The following PTPRE variants were observed in gnomAD, a reference collection of about 807,000 sequenced individuals.
The protein encoded by PTPRE is receptor-type tyrosine-protein phosphatase epsilon.
PTPRE carries 51 observed loss-of-function variants against 102.0 expected under a neutral mutation model. The ratio of observed to expected loss-of-function variants is 0.50; its 90% CI spans 0.40 to 0.63. PTPRE has a LOEUF of 0.63. PTPRE is among the 30% of genes least tolerant of loss of function. The probability of loss-of-function intolerance (pLI) is 0.00; values close to 1 mark genes in which losing one functional copy is unlikely to be tolerated. For synonymous variants in PTPRE, 345 were observed against 348.2 expected (o/e 0.99, Z 0.10); for missense variants, 752 against 915.1 (o/e 0.82, Z 2.30).
At chr10:128,052,181 C>G (rs912342641) in intron 6 of PTPRE, among the ~76,000 whole-genome samples, 4 of 152,238 alleles carry the variant, frequency 2.6e-5, no homozygotes, top group East Asian at 1.9e-4. Context: ...ATGGCCAGCT[C>G]TCTCTTGGGT....
chr10:128,041,086 A>G, intron 3 of PTPRE, 96 bp downstream of exon 3: 2 of 1,033,794 alleles, frequency 1.9e-6, no homozygotes, highest in Non-Finnish European at 2.9e-6. Flanking sequence ...GTAAGAGAAG[A>G]ATGGTGTGGC....
intron 2 of PTPRE, among the ~76,000 whole-genome samples, chr10:128,025,327 A>G (rs1031850434): frequency 2.0e-5 from 3 of 152,142 alleles, no homozygotes; most frequent in African/African-American, 4.8e-5. Context: ...CTCCCCAGTG[A>G]GGACCCACGG....
intron 2 of PTPRE, among the ~76,000 whole-genome samples, chr10:127,994,794 G>A (rs4369314): frequency 0.22 from 33,828 of 152,066 alleles, 3,798 homozygotes; most frequent in Non-Finnish European, 0.23. Flanking sequence ...GAACGTAAGG[G>A]AGAGCCTCAT....
chr10:127,911,313 A>AT (rs1225301990), intron 1 of PTPRE, among the ~76,000 whole-genome samples: 1 of 152,218 alleles, frequency 6.6e-6, no homozygotes, highest in African/African-American at 2.4e-5. Flanking sequence ...TCATTCTTCA[A>AT]TATGCACCAT....
intron 3 of PTPRE, among the ~76,000 whole-genome samples, chr10:128,042,179 G>A (rs147426082): frequency 6.6e-6 from 1 of 152,124 alleles, no homozygotes; most frequent in Non-Finnish European, 1.5e-5. Flanking sequence ...TCTTCCCAAC[G>A]CTAATCGACT....
chr10:127,944,503 G>GATGGATGGATAAGTGA lies in PTPRE; in HGVS notation c.-31+37204_-31+37205insAAGTGAATGGATGGAT. ...GGATGGATGGATGGATGGATGGATG[G>GATGGATGGATAAGTGA]ATGGATGGATGGGTGGATGGATGGA... On this transcript the variant is annotated intron_variant, in intron 1 of 20. Transcript: ENST00000254667. The surrounding 1 kb of genome is among the most constrained non-coding windows in gnomAD (Gnocchi z 4.2). Among the ~76,000 whole-genome samples, 1 of 147,402 alleles carries GATGGATGGATAAGTGA rather than the reference G, an allele frequency of 6.8e-6. No homozygotes were observed. The highest frequency in any genetic ancestry group is 2.0e-4 in the East Asian group (1 of 4,894).
intron 1 of PTPRE, among the ~76,000 whole-genome samples, chr10:127,940,023 C>T (rs1848123039): frequency 7.0e-6 from 1 of 142,760 alleles, no homozygotes; most frequent in African/African-American, 2.6e-5. Flanking sequence ...CAGGCAGGTA[C>T]AGACAGATGT....
chr10:128,033,110 A>G (rs968403391), intron 2 of PTPRE, among the ~76,000 whole-genome samples: 2 of 152,264 alleles, frequency 1.3e-5, no homozygotes, highest in African/African-American at 2.4e-5. Flanking sequence ...CTAAGAGATC[A>G]TCAGTATTCA....
At chr10:127,945,195 G>C (rs149147625) in intron 1 of PTPRE, among the ~76,000 whole-genome samples, 65 of 152,334 alleles carry the variant, frequency 4.3e-4, no homozygotes, top group Non-Finnish European at 7.3e-4. Flanking sequence ...GGACTAAAGA[G>C]TGAATATGGA....
intron 1 of PTPRE, among the ~76,000 whole-genome samples, chr10:127,957,988 T>C (rs1450324529): frequency 1.3e-5 from 2 of 152,244 alleles, no homozygotes; most frequent in East Asian, 3.8e-4. Flanking sequence ...TAAATTTCAC[T>C]TGTTCACTTC....
At position 128,020,637 on chromosome 10, in the gene PTPRE, G is replaced by A. The variant is rs1422550475; in HGVS notation, c.-7-20238G>A. 2.0e-5 allele frequency among the ~76,000 whole-genome samples: 3 copies of A among 152,170 alleles called. No homozygotes were observed. The East Asian group carries it at 5.8e-4, about 29-fold the overall frequency. ...GGCCGGTAGCTTCTGGTTTCTCTGG[G>A]CAGCCCTGCTGGGAAATGCTGGTCC... On this transcript the variant is annotated intron_variant, in intron 2 of 20. Transcript: ENST00000254667.
At chr10:127,910,804 C>A (rs372007924) in intron 1 of PTPRE, among the ~76,000 whole-genome samples, 54 of 152,280 alleles carry the variant, frequency 3.5e-4, no homozygotes, top group African/African-American at 1.3e-3. Flanking sequence ...AAGTTTGAGG[C>A]CGGGTGCAAT....
rs1356670256 is a variant in PTPRE, at chr10:127,985,837, T to C, written c.-8+3541T>C. 2.0e-5 allele frequency among the ~76,000 whole-genome samples: 3 copies of C among 152,106 alleles called. No homozygotes were observed. In the East Asian group the frequency reaches 5.8e-4, roughly 29 times the overall value. On this transcript the variant is annotated intron_variant, in intron 2 of 20. Coordinates refer to ENST00000254667, the MANE Select transcript of PTPRE (RefSeq NM_006504.6). The stretch of plus-strand genomic sequence containing the variant: ...CGGGTGCGGTGGCTCACACCTGTAA[T>C]CCCAGCACTTTGGGAGGCCGAGGTG...
At chr10:127,985,444 G>A (rs1852006582) in intron 2 of PTPRE, among the ~76,000 whole-genome samples, 1 of 152,040 alleles carries the variant, frequency 6.6e-6, no homozygotes, top group African/African-American at 2.4e-5. Context: ...TTAGCCGGGT[G>A]GTAGTGGCAC....
chr10:128,006,318 A>G (rs937565526), intron 2 of PTPRE, among the ~76,000 whole-genome samples: 3 of 152,234 alleles, frequency 2.0e-5, no homozygotes, highest in Admixed American at 1.3e-4. Context: ...ATTTCACAGA[A>G]GAGCGGGGAA....
chr10:128,077,671 G>A lies in PTPRE; in HGVS notation c.1780G>A (p.Gly594Ser), dbSNP rs745941150. ...VRVVRQFHFH[G>S]WPEIGIPAEG... is the part of the protein sequence containing the mutation. ...AGTAGTGCGCCAGTTTCACTTCCACGGCTGGCCTGAGATCGGGATTCCCGC... is the reference window on the plus strand; with the variant it reads ...AGTAGTGCGCCAGTTTCACTTCCACAGCTGGCCTGAGATCGGGATTCCCGC... The change falls in exon 19 of 21, where the codon GGC becomes AGC. Residue 594 changes from glycine (G) to serine (S), a missense_variant. Coordinates refer to ENST00000254667, the MANE Select transcript of PTPRE (RefSeq NM_006504.6). The A allele has an allele frequency of 8.1e-6, 13 of 1,613,572 alleles. No individual in the cohort carries two copies. Among genetic ancestry groups the A allele is most frequent in the African/African-American group, 4.0e-5 (3 of 74,936 alleles).
At chr10:128,041,557 A>G (rs2135802909) in intron 3 of PTPRE, among the ~76,000 whole-genome samples, 1 of 143,816 alleles carries the variant, frequency 7.0e-6, no homozygotes, top group African/African-American at 2.6e-5. Flanking sequence ...CTGAGGCAGG[A>G]GAATCACTTC....
intron 13 of PTPRE, 120 bp downstream of exon 13, chr10:128,069,947 C>A (rs1850620903): frequency 6.7e-7 from 1 of 1,491,390 alleles, no homozygotes; most frequent in Non-Finnish European, 9.2e-7. Flanking sequence ...TGGGCCTGGC[C>A]TGGCTTCGCT....
At chr10:128,026,530 G>A (rs1846304194) in intron 2 of PTPRE, among the ~76,000 whole-genome samples, 1 of 152,178 alleles carries the variant, frequency 6.6e-6, no homozygotes, top group South Asian at 2.1e-4. Flanking sequence ...ACCCATTCAG[G>A]TCCCTGCAGT....
Sources: gnomAD v4.1 joint callset for allele counts (sites outside exome capture counted in the v4.1 genomes callset) on GRCh38, gnomAD v4.1.1 for gene constraint, Gnocchi (gnomAD v3.1) non-coding constraint, MANE v1.5 for transcripts, NCBI Gene and HGNC (gene_info 2026-07-23, HGNC 2026-07-21) for gene names.